PCDHA6: variants seen among roughly 807,000 people sequenced by gnomAD.
PCDHA6 encodes protocadherin alpha-6.
PCDHA6 carries 55 observed loss-of-function variants against 60.3 expected under a neutral mutation model. The ratio of observed to expected loss-of-function variants is 0.91; its 90% CI spans 0.73 to 1.14. The LOEUF is 1.14. Among genes scored for constraint, PCDHA6 ranks in the 50% most tolerant of loss-of-function variants. PCDHA6 has a pLI of 0.00. For missense variants in PCDHA6, 1,327 were observed against 1,256.5 expected (o/e 1.06, Z -0.85); for synonymous variants, 652 against 557.9 (o/e 1.17, Z -2.38).
At chr5:140,883,283 G>C (rs782514861) in intron 1 of PCDHA6, 2 of 1,613,916 alleles carry the variant, frequency 1.2e-6, no homozygotes, top group Admixed American at 1.7e-5. Context: ...CCTTTTGGTG[G>C]AAGTACTAGA....
intron 1 of PCDHA6, chr5:140,870,513 C>G: frequency 6.2e-7 from 1 of 1,614,254 alleles, no homozygotes; most frequent in Non-Finnish European, 8.5e-7. Flanking sequence ...ACCCACCAGG[C>G]TGCCACATCT....
chr5:140,987,155 A>G (rs2097233368), intron 3 of PCDHA6, among the ~76,000 whole-genome samples: 1 of 151,902 alleles, frequency 6.6e-6, no homozygotes, highest in South Asian at 2.1e-4. Context: ...TGGAGGTTGC[A>G]GTGAGCTGAG....
rs1294664970 is a variant in PCDHA6, at chr5:140,858,562, T to C, written c.2394+28077T>C. On this transcript the variant is annotated intron_variant, in intron 1 of 3. Transcript: ENST00000529310. Reference sequence around the variant, plus strand: ...CATTCCATTTATGCTTGAATATTTCTAGTGATACCTTTGTAATATAATTTA... The same window carrying C: ...CATTCCATTTATGCTTGAATATTTCCAGTGATACCTTTGTAATATAATTTA... 46 of 1,371,718 alleles carry C rather than the reference T, an allele frequency of 3.4e-5. 2 individuals carry two copies. Among genetic ancestry groups the C allele is most frequent in the Non-Finnish European group, 4.5e-5 (45 of 990,734 alleles). 85.0% of individuals were successfully genotyped at this position (1,371,718 alleles called of 1,614,324 possible).
chr5:140,843,462 C>G (rs2150360645), intron 1 of PCDHA6: 5 of 1,596,046 alleles, frequency 3.1e-6, no homozygotes, highest in Non-Finnish European at 3.4e-6. Flanking sequence ...CTGGTGCTCA[C>G]GCTGCTGCTG....
chr5:140,904,555 CT>C (rs569725486), intron 1 of PCDHA6, among the ~76,000 whole-genome samples: 14 of 151,628 alleles, frequency 9.2e-5, no homozygotes, highest in Non-Finnish European at 1.8e-4. Context: ...CATATAATGA[CT>C]TTTTTTTCCT....
Position 140,847,092 on chromosome 5 carries a change from G to T in PCDHA6, c.2394+16607G>T, listed in dbSNP as rs1176748439. ...ATGACAAGTAGAAAAGTCCACTTTG[G>T]TTAAAACACACAGTCTGCAGAGAAT... On this transcript the variant is annotated intron_variant, in intron 1 of 3. Coordinates refer to ENST00000529310, the MANE Select transcript of PCDHA6 (RefSeq NM_018909.4). 2.7e-5 allele frequency among the ~76,000 whole-genome samples: 4 copies of T among 149,688 alleles called. 1 individual carries two copies. The highest frequency in any genetic ancestry group is 4.9e-5 in the African/African-American group (2 of 40,860).
At chr5:140,863,314 T>A in intron 1 of PCDHA6, 1 of 1,458,118 alleles carries the variant, frequency 6.9e-7, no homozygotes, top group Non-Finnish European at 9.3e-7. Context: ...CTGCGTGGTG[T>A]CCAGCCTGTT....
intron 1 of PCDHA6, among the ~76,000 whole-genome samples, chr5:140,889,342 A>G (rs1418641372): frequency 6.6e-6 from 1 of 152,018 alleles, no homozygotes; most frequent in East Asian, 1.9e-4. Context: ...GATTGGTGGG[A>G]ATATTTCTGA....
rs1238840347 is a variant in PCDHA6 at position 140,858,526 on chromosome 5, AT to A, written c.2394+28046del. On this transcript the variant is annotated intron_variant, in intron 1 of 3. Coordinates refer to ENST00000529310, the MANE Select transcript of PCDHA6 (RefSeq NM_018909.4). ...TCTCAAATATGTATCAGAATATTTC[AT>A]TTTTGTCTACATTCCATTTATGCTT... 6.2e-5 allele frequency: 87 copies of A among 1,407,632 alleles called. 5 individuals carry two copies. The highest frequency in any genetic ancestry group is 8.4e-5 in the Non-Finnish European group (85 of 1,016,948). The allele number at this position is 1,407,632 out of a possible 1,614,324, so 87.2% of individuals were successfully genotyped here.
intron 1 of PCDHA6, among the ~76,000 whole-genome samples, chr5:140,895,893 C>A (rs899081253): frequency 6.6e-6 from 1 of 152,188 alleles, no homozygotes; most frequent in African/African-American, 2.4e-5. Context: ...CTCACTGCAA[C>A]CTCCGCGTCC....
chr5:140,883,546 C>T (rs782071318), intron 1 of PCDHA6: 3 of 1,614,200 alleles, frequency 1.9e-6, no homozygotes, highest in Non-Finnish European at 1.7e-6. Flanking sequence ...TGGTGGTGAC[C>T]GCGCGGGACG....
intron 1 of PCDHA6, chr5:140,869,028 G>C: frequency 1.3e-6 from 2 of 1,526,584 alleles, no homozygotes; most frequent in Non-Finnish European, 1.8e-6. Flanking sequence ...AATTCAACGA[G>C]ATTTTTAACC....
chr5:140,962,237 C>G (rs982591816), intron 1 of PCDHA6, among the ~76,000 whole-genome samples: 5 of 152,108 alleles, frequency 3.3e-5, no homozygotes, highest in Non-Finnish European at 5.9e-5. Context: ...TTCACTTAAC[C>G]ATTTTCTTCA....
Position 140,927,036 on chromosome 5 carries a change from C to T in PCDHA6, c.2395-51913C>T, listed in dbSNP as rs137875923. 7.2e-5 allele frequency: 116 copies of T among 1,612,314 alleles called. No individual in the cohort carries two copies. In the African/African-American group the frequency reaches 1.3e-3, roughly 19 times the overall value. ...CCGCGGACTTGAGGCTGCCAGCGGC[C>T]GCTATGTCCTCGCGGAACTTTCGCT... On this transcript the variant is annotated intron_variant, in intron 1 of 3. Coordinates refer to ENST00000529310, the MANE Select transcript of PCDHA6 (RefSeq NM_018909.4).
At chr5:140,890,629 A>G (rs6883083) in intron 1 of PCDHA6, among the ~76,000 whole-genome samples, 2 of 152,158 alleles carry the variant, frequency 1.3e-5, no homozygotes, top group Admixed American at 1.3e-4. Context: ...AAAATTAAGC[A>G]TGTATCCTTG....
intron 1 of PCDHA6, chr5:140,862,626 C>A: frequency 1.9e-6 from 1 of 532,422 alleles, no homozygotes; most frequent in South Asian, 1.4e-5. Flanking sequence ...ACCCGCGGGG[C>A]TGCCACGACT....
At chr5:140,940,965 A>G (rs2092710706) in intron 1 of PCDHA6, among the ~76,000 whole-genome samples, 1 of 152,226 alleles carries the variant, frequency 6.6e-6, no homozygotes, top group Admixed American at 6.5e-5. Context: ...AATATGCAGG[A>G]TATCTGGTAT....
chr5:140,857,789 C>T lies in PCDHA6; in HGVS notation c.2394+27304C>T, dbSNP rs576562662. Reference sequence around the variant, plus strand: ...GGGCGGTGCAGTCAGTGAGCTGGTGCTGCGGTCGGTGGTTGCGGGTCACGT... The same window carrying T: ...GGGCGGTGCAGTCAGTGAGCTGGTGTTGCGGTCGGTGGTTGCGGGTCACGT... On this transcript the variant is annotated intron_variant, in intron 1 of 3. Transcript: ENST00000529310. 7.5e-6 allele frequency: 12 copies of T among 1,597,704 alleles called. No homozygotes were observed. In the African/African-American group the frequency reaches 1.5e-4, roughly 20 times the overall value.
chr5:140,875,586 G>T, intron 1 of PCDHA6: 1 of 1,614,024 alleles, frequency 6.2e-7, no homozygotes, highest in South Asian at 1.1e-5. Flanking sequence ...TCTACGAGGA[G>T]GCCAAACACG....
Sources: gnomAD v4.1 joint callset for allele counts (sites outside exome capture counted in the v4.1 genomes callset) on GRCh38, gnomAD v4.1.1 for gene constraint, MANE v1.5 for transcripts, NCBI Gene and HGNC (gene_info 2026-07-23, HGNC 2026-07-21) for gene names.